BAZ2B: variants seen among roughly 807,000 people sequenced by gnomAD.
BAZ2B encodes the protein bromodomain adjacent to zinc finger domain protein 2B.
In BAZ2B, 91 loss-of-function variants were observed where a neutral mutation model predicts 246.0. That is an observed-to-expected ratio of 0.37 (90% CI 0.31 to 0.44). The LOEUF (loss-of-function observed/expected upper bound fraction) is 0.44. Among genes scored for constraint, BAZ2B ranks in the 20% least tolerant of loss-of-function variants. BAZ2B has a pLI of 1.00. For synonymous variants in BAZ2B, 855 were observed against 860.0 expected, an observed-to-expected ratio of 0.99 and a Z score of 0.10; for missense variants, 2,332 against 2,533.7, an observed-to-expected ratio of 0.92 and a Z score of 1.71.
chr2:159,566,348 C>T (rs554815251), intron 1 of BAZ2B, among the ~76,000 whole-genome samples: 1 of 152,268 alleles, frequency 6.6e-6, no homozygotes, highest in Non-Finnish European at 1.5e-5. Flanking sequence ...CAATGTCCTT[C>T]TAAGCTATAT....
At chr2:159,650,154 A>G in the BAZ2B span, among the ~76,000 whole-genome samples, 1 of 149,784 alleles carries the variant, frequency 6.7e-6, no homozygotes, top group Admixed American at 6.6e-5. Context: ...GAATACACTT[A>G]TAAGAAGTTT....
In BAZ2B at chr2:159,491,135, C is replaced by A. The variant is rs1219809026; in HGVS notation, c.-2-12414G>T. 7.2e-5 allele frequency among the ~76,000 whole-genome samples: 11 copies of A among 152,146 alleles called. No individual in the cohort carries two copies. In the East Asian group the frequency reaches 2.1e-3, roughly 29 times the overall value. On this transcript the variant is annotated intron_variant, in intron 2 of 36. Coordinates refer to ENST00000392783, the MANE Select transcript of BAZ2B (RefSeq NM_013450.4). ...TAACCTTAAAACAAAATTTTTAAAGCAGGCTCACAAAAATTTATTCTAGTC... is the reference window on the plus strand; with the variant it reads ...TAACCTTAAAACAAAATTTTTAAAGAAGGCTCACAAAAATTTATTCTAGTC...
chr2:159,477,139 A>G (rs973012620), intron 3 of BAZ2B, among the ~76,000 whole-genome samples: 1 of 152,062 alleles, frequency 6.6e-6, no homozygotes, highest in African/African-American at 2.4e-5. Context: ...CCCCGTCTCT[A>G]CTAAAAATAC....
At chr2:159,342,910 G>GA (rs1186559329) in intron 31 of BAZ2B, among the ~76,000 whole-genome samples, 5 of 152,074 alleles carry the variant, frequency 3.3e-5, no homozygotes, top group African/African-American at 7.2e-5. Context: ...CAGAAATAAA[G>GA]AAAAAATATT....
At chr2:159,495,483 TCAAAAAAAAA>T (rs1325951536) in intron 2 of BAZ2B, among the ~76,000 whole-genome samples, 1 of 14,038 alleles carries the variant, frequency 7.1e-5, no homozygotes, top group South Asian at 3.8e-3. Flanking sequence ...AGACTCCGTC[TCAAAAAAAAA>T]AAAAAAAAAA....
intron 27 of BAZ2B, among the ~76,000 whole-genome samples, chr2:159,365,745 C>T (rs936468346): frequency 2.0e-5 from 3 of 152,222 alleles, no homozygotes; most frequent in Non-Finnish European, 2.9e-5. Context: ...GCAACTCCTG[C>T]TTTCATGTGG....
At chr2:159,387,484 T>C (rs2062782115) in intron 21 of BAZ2B, among the ~76,000 whole-genome samples, 1 of 152,212 alleles carries the variant, frequency 6.6e-6, no homozygotes, top group African/African-American at 2.4e-5. Context: ...TTGGTCCTTG[T>C]TCAAAAATAT....
At chr2:159,688,558 G>A in the BAZ2B span, among the ~76,000 whole-genome samples, 4 of 151,886 alleles carry the variant, frequency 2.6e-5, no homozygotes, top group African/African-American at 7.3e-5. Context: ...AATACAGACC[G>A]TCACATTTCA....
At chr2:159,456,937 A>G (rs1316601002) in intron 3 of BAZ2B, among the ~76,000 whole-genome samples, 1 of 152,228 alleles carries the variant, frequency 6.6e-6, no homozygotes, top group Non-Finnish European at 1.5e-5. Flanking sequence ...ACATTTCACA[A>G]TTTTACTATA....
upstream of BAZ2B, among the ~76,000 whole-genome samples, chr2:159,618,480 A>G (rs1186125830): frequency 6.6e-6 from 1 of 152,138 alleles, no homozygotes; most frequent in South Asian, 2.1e-4. Flanking sequence ...AAAATTTACT[A>G]ATAATGTTCC....
At chr2:159,648,925 C>T in the BAZ2B span, among the ~76,000 whole-genome samples, 1 of 152,136 alleles carries the variant, frequency 6.6e-6, no homozygotes, top group Non-Finnish European at 1.5e-5. Context: ...TAACATTTTA[C>T]ATTCCCACCA....
Position 159,502,332 on chromosome 2 carries a change from TAA to T in BAZ2B, c.-2-23613_-2-23612del, listed in dbSNP as rs35264021. Among the ~76,000 whole-genome samples, 1,410 of 149,938 alleles carry T rather than the reference TAA, an allele frequency of 9.4e-3. 15 individuals carry two copies. The highest frequency in any genetic ancestry group is 0.014 in the Non-Finnish European group (949 of 67,576). ...ATGAATTATATCTCCATAAAGCTGT[TAA>T]AAAAAAAAAGGCTGGCAAGGTAATT... On this transcript the variant is annotated intron_variant, in intron 2 of 36. Coordinates refer to ENST00000392783, the MANE Select transcript of BAZ2B (RefSeq NM_013450.4).
chr2:159,575,078 T>C (rs1350806982), intron 1 of BAZ2B, among the ~76,000 whole-genome samples: 1 of 152,068 alleles, frequency 6.6e-6, no homozygotes, highest in Non-Finnish European at 1.5e-5. Context: ...CAGAAGCCAG[T>C]CACAAAAAAC....
chr2:159,470,200 C>A (rs535446257), intron 3 of BAZ2B, among the ~76,000 whole-genome samples: 1 of 152,304 alleles, frequency 6.6e-6, no homozygotes, highest in East Asian at 1.9e-4. Flanking sequence ...GCCATATAAT[C>A]ATTTCAAAAA....
chr2:159,388,791 T>G (rs2062953287), intron 21 of BAZ2B, among the ~76,000 whole-genome samples: 1 of 151,876 alleles, frequency 6.6e-6, no homozygotes, highest in East Asian at 1.9e-4. Flanking sequence ...GGGGAGGAGT[T>G]GAGATTTTTC....
At chr2:159,404,469 T>A (rs1190152886) in intron 16 of BAZ2B, 2 of 156,740 alleles carry the variant, frequency 1.3e-5, no homozygotes, top group Non-Finnish European at 2.8e-5. Context: ...TGAATTTAAT[T>A]TTCTACTAAT....
chr2:159,400,010 TAAAAGATTACA>T (rs2064725865), intron 17 of BAZ2B, among the ~76,000 whole-genome samples: 1 of 152,206 alleles, frequency 6.6e-6, no homozygotes, highest in African/African-American at 2.4e-5. Flanking sequence ...GCTATTCAAA[TAAAAGATTACA>T]GGCTGTTGCT....
intron 1 of BAZ2B, among the ~76,000 whole-genome samples, chr2:159,565,823 T>G (rs923180119): frequency 1.3e-4 from 19 of 149,356 alleles, no homozygotes; most frequent in African/African-American, 4.7e-4. Flanking sequence ...GAAAGAAAGC[T>G]TGTATCTGTC....
chr2:159,602,947 G>C (rs1264842029), intron 1 of BAZ2B, among the ~76,000 whole-genome samples: 1 of 152,150 alleles, frequency 6.6e-6, no homozygotes, highest in Non-Finnish European at 1.5e-5. Flanking sequence ...GACCAGCCAG[G>C]TCAATATAGT....
Sources: gnomAD v4.1 joint callset for allele counts (sites outside exome capture counted in the v4.1 genomes callset) on GRCh38, gnomAD v4.1.1 for gene constraint, MANE v1.5 for transcripts, NCBI Gene and HGNC (gene_info 2026-07-23, HGNC 2026-07-21) for gene names.